The following BRWD3 variants were observed in gnomAD, a reference collection of about 807,000 sequenced individuals.
BRWD3 encodes bromodomain and WD repeat domain containing 3.
A neutral mutation model predicts 149.7 loss-of-function variants in BRWD3; 10 were observed. The observed-to-expected ratio is 0.07, with a 90% CI of 0.04 to 0.11. The LOEUF (loss-of-function observed/expected upper bound fraction) is 0.11. Ranked by LOEUF, BRWD3 falls within the 10% of genes least tolerant of loss-of-function variation. BRWD3 has a pLI of 1.00. For synonymous variants in BRWD3, 504 were observed against 456.7 expected (o/e 1.10, Z -1.32); for missense variants, 940 against 1,373.2 (o/e 0.68, Z 4.99).
chrX:80,671,343 AC>A lies in BRWD3; in HGVS notation c.*5265del, dbSNP rs1186540972. 2.7e-5 allele frequency: 3 copies of A among 111,874 alleles called. No homozygotes were observed. The highest frequency in any genetic ancestry group is 3.8e-5 in the Non-Finnish European group (2 of 53,138). 9.2% of individuals were successfully genotyped at this position (111,874 alleles called of 1,213,427 possible). A position where few individuals can be genotyped will look rare whatever the true frequency, so the allele number is the denominator to read the frequency against. On this transcript the variant is annotated 3_prime_UTR_variant, in exon 41 of 41. Coordinates refer to ENST00000373275, the MANE Select transcript of BRWD3 (RefSeq NM_153252.5). The stretch of plus-strand genomic sequence containing the variant: ...GTCTAAGATGAAAACAAAAAACAAA[AC>A]CTTTTCTTTGATAGGAAGAAGCATC...
At chrX:80,752,589 T>C (rs2073683218) in intron 6 of BRWD3, among the ~76,000 whole-genome samples, 1 of 112,256 alleles carries the variant, frequency 8.9e-6, no homozygotes, top group African/African-American at 3.2e-5. Context: ...TTTTTATTAA[T>C]AGCCAATCTG....
At position 80,676,902 on chromosome X, in the gene BRWD3, C is replaced by T. The variant is rs2072372055; in HGVS notation, c.5116G>A (p.Gly1706Arg). The change falls in exon 41 of 41, where the codon GGG becomes AGG. Residue 1706 changes from glycine to arginine, a missense_variant. Gly to Arg is a moderately radical substitution (Grantham distance 125). Around this residue, in one of 6 missense-constraint regions of BRWD3, gnomAD observed 349 missense variants for 419.6 expected, o/e 0.83. Coordinates refer to ENST00000373275, the MANE Select transcript of BRWD3 (RefSeq NM_153252.5). The part of the protein sequence containing the change: ...SRGRGGGGTR[G>R]RGRGRGGRGA... ...CTTCCTCCTCTCCCTCTTCCCCTCCCCCTAGTGCCACCTCCACCTCTTCCT... is the reference window on the plus strand; with the variant it reads ...CTTCCTCCTCTCCCTCTTCCCCTCCTCCTAGTGCCACCTCCACCTCTTCCT... 8.3e-7 allele frequency: 1 copy of T among 1,205,929 alleles called. No individual in the cohort carries two copies. Among genetic ancestry groups the T allele is most frequent in the Non-Finnish European group, 1.1e-6 (1 of 892,471 alleles).
At chrX:80,791,517 T>C (rs73227339) in intron 6 of BRWD3, among the ~76,000 whole-genome samples, 9,295 of 111,050 alleles carry the variant, frequency 0.084, 374 homozygotes, top group South Asian at 0.19. Context: ...ACAACACATA[T>C]AAATAATGTA....
chrX:80,739,571 TAAACAA>T (rs2073454374), intron 8 of BRWD3, among the ~76,000 whole-genome samples: 3 of 110,367 alleles, frequency 2.7e-5, no homozygotes, highest in Non-Finnish European at 5.7e-5. Context: ...AATGAGAAAA[TAAACAA>T]GCAAATGAAA....
chrX:80,778,667 T>C (rs1443858702), intron 6 of BRWD3, among the ~76,000 whole-genome samples: 1 of 112,536 alleles, frequency 8.9e-6, no homozygotes, highest in African/African-American at 3.2e-5. Context: ...GTATTTTCTC[T>C]TTTACAAAAA....
intron 35 of BRWD3, among the ~76,000 whole-genome samples, chrX:80,686,194 G>A (rs995150832): frequency 1.9e-5 from 2 of 103,370 alleles, no homozygotes; most frequent in African/African-American, 3.5e-5. Context: ...ATGTTCTCAC[G>A]CATAGGTGGG....
intron 4 of BRWD3, among the ~76,000 whole-genome samples, chrX:80,806,696 C>G (rs1421030120): frequency 8.9e-6 from 1 of 112,221 alleles, no homozygotes; most frequent in Non-Finnish European, 1.9e-5. Flanking sequence ...AAGCTTGGTT[C>G]AAATCATATC....
At chrX:80,784,296 G>A (rs1294310731) in intron 6 of BRWD3, among the ~76,000 whole-genome samples, 1 of 111,682 alleles carries the variant, frequency 9.0e-6, no homozygotes, top group Non-Finnish European at 1.9e-5. Context: ...TATAAAAACT[G>A]TTTAGATTAT....
At chrX:80,739,986 G>A (rs938072319) in intron 8 of BRWD3, among the ~76,000 whole-genome samples, 1 of 111,764 alleles carries the variant, frequency 8.9e-6, no homozygotes, top group East Asian at 2.8e-4. Context: ...GCATATGACA[G>A]TATGTCCCAA....
chrX:80,783,740 CAT>C (rs1230952956), intron 6 of BRWD3, among the ~76,000 whole-genome samples: 4 of 110,673 alleles, frequency 3.6e-5, no homozygotes, highest in Non-Finnish European at 5.7e-5. Context: ...ACTATTCAGA[CAT>C]AAAAAAAAAT....
At chrX:80,740,369 A>G (rs1433935804) in intron 8 of BRWD3, among the ~76,000 whole-genome samples, 1 of 112,322 alleles carries the variant, frequency 8.9e-6, no homozygotes, top group Non-Finnish European at 1.9e-5. Flanking sequence ...ATTTTAAGTT[A>G]TCCATGACTT....
intron 6 of BRWD3, among the ~76,000 whole-genome samples, chrX:80,786,530 A>G (rs1419877466): frequency 9.1e-6 from 1 of 110,368 alleles, no homozygotes; most frequent in African/African-American, 3.3e-5. Context: ...ATATATATAT[A>G]TATGGAGTCT....
chrX:80,732,039 CAATAGTCA>C (rs2073340821), intron 12 of BRWD3, among the ~76,000 whole-genome samples: 1 of 110,678 alleles, frequency 9.0e-6, no homozygotes, highest in African/African-American at 3.3e-5. Flanking sequence ...GATGGGTCAC[CAATAGTCA>C]AAACTTTGTT....
At chrX:80,731,397 A>C (rs754446297) in intron 12 of BRWD3, among the ~76,000 whole-genome samples, 2 of 111,678 alleles carry the variant, frequency 1.8e-5, no homozygotes, top group South Asian at 7.6e-4. Context: ...AACAGTAGCT[A>C]TACTAATGTT....
At chrX:80,704,597 A>G in intron 23 of BRWD3, 81 bp downstream of exon 23, 3 of 896,016 alleles carry the variant, frequency 3.3e-6, no homozygotes, top group Non-Finnish European at 4.7e-6. Flanking sequence ...GAGAAAAGTC[A>G]ATGTTACAAT....
chrX:80,700,007 T>C lies in BRWD3; in HGVS notation c.2893A>G (p.Ile965Val). ...AYVRAVRKSK[I>V]YSVNLQKQPW... ...TGTTTTTGTAAATTAACACTGTATATTTTCGATTTCCTTACAGCCCGAACA... is the reference window on the plus strand; with the variant it reads ...TGTTTTTGTAAATTAACACTGTATACTTTCGATTTCCTTACAGCCCGAACA... The change falls in exon 25 of 41, where the codon ATA becomes GTA. Residue 965 changes from isoleucine to valine, a missense_variant. Transcript: ENST00000373275. 8.3e-7 allele frequency: 1 copy of C among 1,210,367 alleles called. No individual in the cohort carries two copies. The highest frequency in any genetic ancestry group is 1.1e-6 in the Non-Finnish European group (1 of 894,846).
chrX:80,685,183 C>T (rs141633116), intron 36 of BRWD3, among the ~76,000 whole-genome samples: 12 of 111,230 alleles, frequency 1.1e-4, no homozygotes, highest in African/African-American at 3.9e-4. Flanking sequence ...AATACAGACA[C>T]AATTATATTG....
intron 20 of BRWD3, among the ~76,000 whole-genome samples, chrX:80,713,654 C>A (rs958968123): frequency 3.2e-4 from 35 of 109,581 alleles, no homozygotes; most frequent in Admixed American, 2.1e-3. Context: ...CCTGCCAAAT[C>A]CCCCTCTGCG....
Position 80,745,667 on chromosome X carries a change from A to T in BRWD3, c.493T>A (p.Ser165Thr). 1 of 1,209,464 alleles carries T rather than the reference A, an allele frequency of 8.3e-7. No individual in the cohort carries two copies. Among genetic ancestry groups the T allele is most frequent in the Non-Finnish European group, 1.1e-6 (1 of 893,940 alleles). Residue 165 changes from serine to threonine, a missense_variant, in exon 7 of 41, where the codon TCT becomes ACT. Ser to Thr is a moderately conservative substitution (Grantham distance 58). This residue lies in a region of BRWD3 where 105 missense variants were observed against 127.7 expected (regional missense o/e 0.82). Coordinates refer to ENST00000373275, the MANE Select transcript of BRWD3 (RefSeq NM_153252.5). ...TGCATCTTAATGTGCTGGTAAGCAG[A>T]TGAAGGGAAAATATGACCAAAGCGA... ...CSRFGHIFPSSAYQHIKMHKR... is the reference protein window; with the variant it reads ...CSRFGHIFPSTAYQHIKMHKR...
Sources: gnomAD v4.1 joint callset for allele counts (sites outside exome capture counted in the v4.1 genomes callset) on GRCh38, gnomAD v4.1.1 for gene constraint, gnomAD v4.1.1 regional missense constraint, MANE v1.5 for transcripts, NCBI Gene and HGNC (gene_info 2026-07-23, HGNC 2026-07-21) for gene names.